The following SLC4A4 variants were observed in gnomAD, a reference collection of about 807,000 sequenced individuals.
The protein encoded by SLC4A4 is electrogenic sodium bicarbonate cotransporter 1.
Under a neutral mutation model 111.5 loss-of-function variants are expected in SLC4A4, and 27 were observed. The ratio of observed to expected loss-of-function variants is 0.24; its 90% CI spans 0.18 to 0.33. The LOEUF (loss-of-function observed/expected upper bound fraction) is 0.33, where lower values mean the gene tolerates loss of function less well. Ranked by LOEUF, SLC4A4 falls within the 10% of genes least tolerant of loss-of-function variation. The pLI is 1.00. For missense variants in SLC4A4, 909 were observed against 1,315.5 expected (o/e 0.69, Z 4.78); for synonymous variants, 443 against 463.4 (o/e 0.96, Z 0.57).
At chr4:71,538,047 G>T (rs1734714852) in intron 18 of SLC4A4, among the ~76,000 whole-genome samples, 1 of 152,034 alleles carries the variant, frequency 6.6e-6, no homozygotes, top group South Asian at 2.1e-4. Flanking sequence ...TCTGTATTGA[G>T]AGGGTTTCTG....
chr4:71,101,240 C>A (rs1219525617), intron 2 of SLC4A4, among the ~76,000 whole-genome samples: 6 of 152,190 alleles, frequency 3.9e-5, no homozygotes, highest in African/African-American at 1.4e-4. Flanking sequence ...GCCTGGGCAA[C>A]AGTGCAAGAC....
chr4:71,256,728 C>A (rs971306441), intron 3 of SLC4A4, among the ~76,000 whole-genome samples: 1 of 152,088 alleles, frequency 6.6e-6, no homozygotes, highest in African/African-American at 2.4e-5. Context: ...ATAAACATGG[C>A]ACAGTTAATA....
At chr4:71,327,825 G>T (rs1019755317) in intron 3 of SLC4A4, among the ~76,000 whole-genome samples, 3 of 151,704 alleles carry the variant, frequency 2.0e-5, no homozygotes, top group African/African-American at 4.8e-5. Flanking sequence ...TTATTTTTTT[G>T]TGTTATAAAT....
chr4:71,519,284 C>T (rs537279949), intron 16 of SLC4A4, among the ~76,000 whole-genome samples: 1 of 152,250 alleles, frequency 6.6e-6, no homozygotes, highest in East Asian at 1.9e-4. Context: ...CAGTAACACC[C>T]AAGTTGAGGA....
chr4:71,326,321 C>A (rs1459635626), intron 3 of SLC4A4, among the ~76,000 whole-genome samples: 1 of 151,828 alleles, frequency 6.6e-6, no homozygotes, highest in Non-Finnish European at 1.5e-5. Flanking sequence ...TGTAACACCA[C>A]GACATTAGAC....
intron 12 of SLC4A4, among the ~76,000 whole-genome samples, chr4:71,456,793 G>T (rs1403797541): frequency 6.6e-6 from 1 of 152,138 alleles, no homozygotes; most frequent in Non-Finnish European, 1.5e-5. Context: ...ACCAGTAGTG[G>T]GGTGTAGTGG....
At chr4:71,081,721 T>C (rs1387586631) in intron 1 of SLC4A4, among the ~76,000 whole-genome samples, 3 of 152,086 alleles carry the variant, frequency 2.0e-5, no homozygotes, top group African/African-American at 7.3e-5. Flanking sequence ...TGATGTTGCA[T>C]CTGTCTTCGA....
chr4:71,485,478 A>G (rs1359178549), intron 14 of SLC4A4, among the ~76,000 whole-genome samples: 2 of 151,710 alleles, frequency 1.3e-5, no homozygotes. Flanking sequence ...CATACCAGGG[A>G]TAAAGCCTAC....
At chr4:71,423,931 G>A (rs930241909) in intron 7 of SLC4A4, among the ~76,000 whole-genome samples, 1 of 152,126 alleles carries the variant, frequency 6.6e-6, no homozygotes, top group Non-Finnish European at 1.5e-5. Flanking sequence ...ATAGGCATGG[G>A]CAAGGACTTC....
At chr4:71,314,360 G>A (rs752145822) in intron 3 of SLC4A4, among the ~76,000 whole-genome samples, 10 of 152,206 alleles carry the variant, frequency 6.6e-5, no homozygotes, top group Non-Finnish European at 1.3e-4. Context: ...ATGGTGTGGC[G>A]ATTCCTCAAG....
At chr4:71,393,458 G>A (rs939139306) in intron 6 of SLC4A4, among the ~76,000 whole-genome samples, 5 of 152,048 alleles carry the variant, frequency 3.3e-5, no homozygotes, top group African/African-American at 1.2e-4. Flanking sequence ...ACCTAACGAA[G>A]GAGGCGAAAG....
chr4:71,497,573 G>A lies in SLC4A4; in HGVS notation c.2047G>A (p.Gly683Arg), dbSNP rs200499771. 4 of 1,613,066 alleles carry A rather than the reference G, an allele frequency of 2.5e-6. No homozygotes were observed. Among genetic ancestry groups the A allele is most frequent in the East Asian group, 2.2e-5 (1 of 44,788 alleles). ...ECSKYGGNLVGNNCNFVPDIT... is the reference protein window; with the variant it reads ...ECSKYGGNLVRNNCNFVPDIT... ...TTCAAAATACGGAGGAAACCTCGTC[G>A]GGAACAACTGTAATTTTGTTCCTGA... The change falls in exon 16 of 26, where the codon GGG becomes AGG. Residue 683 changes from glycine (G) to arginine (R), a missense_variant. This residue lies in a region of SLC4A4 where 264 missense variants were observed against 356.8 expected (regional missense o/e 0.74). Coordinates refer to ENST00000264485, the MANE Select transcript of SLC4A4 (RefSeq NM_001098484.3).
At chr4:71,481,103 A>C (rs1315361649) in intron 14 of SLC4A4, among the ~76,000 whole-genome samples, 1 of 151,674 alleles carries the variant, frequency 6.6e-6, no homozygotes, top group Admixed American at 6.6e-5. Flanking sequence ...CCAGTTTTAC[A>C]AATGAGGAAC....
intron 1 of SLC4A4, among the ~76,000 whole-genome samples, chr4:71,196,833 CCAAAAAAAAAAAAAAAAA>C (rs1209799659): frequency 3.3e-4 from 3 of 9,226 alleles, no homozygotes; most frequent in Non-Finnish European, 1.7e-3. Flanking sequence ...GACTCTGTCT[CCAAAAAAAAAAAAAAAAA>C]AAAAAAAAAA....
At chr4:71,176,076 T>C (rs1163782271) in intron 2 of SLC4A4, among the ~76,000 whole-genome samples, 3 of 152,110 alleles carry the variant, frequency 2.0e-5, no homozygotes, top group African/African-American at 7.2e-5. Context: ...TGGTCTGGAG[T>C]GGACCTCCAG....
At chr4:71,465,535 C>T (rs773488627) in intron 12 of SLC4A4, among the ~76,000 whole-genome samples, 17 of 150,214 alleles carry the variant, frequency 1.1e-4, no homozygotes, top group South Asian at 2.2e-4. Flanking sequence ...GCAAAAACCA[C>T]GATAACTTTT....
chr4:71,191,879 T>A (rs759049685), intron 1 of SLC4A4, among the ~76,000 whole-genome samples: 2 of 152,196 alleles, frequency 1.3e-5, no homozygotes, highest in Non-Finnish European at 2.9e-5. Context: ...AAAGGTATAC[T>A]CCTTGACTTG....
chr4:71,282,857 A>G (rs1234000042), intron 3 of SLC4A4, among the ~76,000 whole-genome samples: 1 of 152,118 alleles, frequency 6.6e-6, no homozygotes, highest in East Asian at 1.9e-4. Context: ...GATTACAGGA[A>G]TAAACTCCCA....
chr4:71,210,701 CTT>C (rs1392015340), intron 1 of SLC4A4, among the ~76,000 whole-genome samples: 1 of 152,198 alleles, frequency 6.6e-6, no homozygotes, highest in Non-Finnish European at 1.5e-5. Flanking sequence ...AGAAGAATCT[CTT>C]TTAAATCTTG....
Sources: allele counts gnomAD v4.1 joint callset (sites outside exome capture counted in the v4.1 genomes callset), GRCh38; gene constraint gnomAD v4.1.1; regional missense constraint gnomAD v4.1.1; transcripts MANE v1.5; gene names NCBI Gene and HGNC (gene_info 2026-07-23, HGNC 2026-07-21).